Variants in CDC25B observed in about 807,000 individuals in gnomAD.
CDC25B encodes the protein M-phase inducer phosphatase 2.
CDC25B carries 33 observed loss-of-function variants against 69.8 expected under a neutral mutation model. That is an observed-to-expected ratio of 0.47 (90% CI 0.36 to 0.63). CDC25B has a LOEUF of 0.63. Ranked by LOEUF, CDC25B falls within the 30% of genes least tolerant of loss-of-function variation. CDC25B has a pLI of 0.00. For synonymous variants in CDC25B, 341 were observed against 314.6 expected (o/e 1.08, Z -0.89); for missense variants, 727 against 809.1 (o/e 0.90, Z 1.23).
At chr20:3,797,398 T>C (rs1052557271) in intron 1 of CDC25B, among the ~76,000 whole-genome samples, 7 of 152,212 alleles carry the variant, frequency 4.6e-5, no homozygotes, top group Admixed American at 2.0e-4. Flanking sequence ...GCCCTGCTCC[T>C]GAGAGGACCT....
In CDC25B at chr20:3,805,139, C is replaced by A. The variant is rs1038035218; in HGVS notation, c.*178C>A. Reference sequence around the variant, plus strand: ...TTCCCCTGTGTCATCCCATCATTTTCCATATCCTGGTGCCCCCCACCCCTG... The same window carrying A: ...TTCCCCTGTGTCATCCCATCATTTTACATATCCTGGTGCCCCCCACCCCTG... On this transcript the variant is annotated 3_prime_UTR_variant, in exon 16 of 16. Coordinates refer to ENST00000245960, the MANE Select transcript of CDC25B (RefSeq NM_021873.4). 21 of 657,036 alleles carry A rather than the reference C, an allele frequency of 3.2e-5. No individual in the cohort carries two copies. Among genetic ancestry groups the A allele is most frequent in the African/African-American group, 2.9e-4 (16 of 54,910 alleles). The allele number at this position is 657,036 out of a possible 1,614,324, so 40.7% of individuals were successfully genotyped here.
At position 3,796,553 on chromosome 20, in the gene CDC25B, C is replaced by T. The variant is rs1201970854; in HGVS notation, c.22C>T (p.Pro8Ser). Residue 8 changes from proline (P) to serine (S), a missense_variant, in exon 1 of 16, where the codon CCC becomes TCC. Pro to Ser is a moderately conservative substitution (Grantham distance 74). This residue lies in a region of CDC25B where 368 missense variants were observed against 345.6 expected (regional missense o/e 1.06). Transcript: ENST00000245960. MEVPQPE[P>S]APGSALSPAG... ...CGCGATGGAGGTGCCCCAGCCGGAG[C>T]CCGCGCCAGGCTCGGCTCTCAGTCC... The T allele has an allele frequency of 6.8e-7, 1 of 1,479,338 alleles. No individual in the cohort carries two copies. Among genetic ancestry groups the T allele is most frequent in the Non-Finnish European group, 8.9e-7 (1 of 1,122,318 alleles). The allele number at this position is 1,479,338 out of a possible 1,614,324, so 91.6% of individuals were successfully genotyped here.
At chr20:3,789,014 C>T (rs1017099621) in intron 1 of CDC25B, among the ~76,000 whole-genome samples, 2 of 152,180 alleles carry the variant, frequency 1.3e-5, no homozygotes, top group Non-Finnish European at 2.9e-5. Context: ...CCAGATACCT[C>T]GTCTACCCTT....
intron 1 of CDC25B, among the ~76,000 whole-genome samples, chr20:3,787,402 T>A (rs1338374016): frequency 2.0e-5 from 3 of 152,226 alleles, no homozygotes; most frequent in Admixed American, 2.0e-4. Context: ...AAGTTATTTT[T>A]AAAATCAGCA....
chr20:3,803,479 G>T lies in CDC25B; in HGVS notation c.1432G>T (p.Asp478Tyr). The change falls in exon 14 of 16, where the codon GAC (aspartate) becomes TAC (tyrosine). Residue 478 changes from aspartate to tyrosine, a missense_variant. Coordinates refer to ENST00000245960, the MANE Select transcript of CDC25B (RefSeq NM_021873.4). This position sits in a 1 kb window ranked among gnomAD's most constrained non-coding sequence, Gnocchi z 4.9. Reference protein sequence around the residue: ...LKSPIAPCSLDKRVILIFHCE... With the variant: ...LKSPIAPCSLYKRVILIFHCE... ...GAGCCCCATCGCGCCCTGTAGCCTG[G>T]ACAAGAGAGTCATCCTCATTTTCCA... The T allele has an allele frequency of 1.2e-6, 2 of 1,614,028 alleles. No individual in the cohort carries two copies. Among genetic ancestry groups the T allele is most frequent in the Non-Finnish European group, 1.7e-6 (2 of 1,179,992 alleles).
chr20:3,804,610 A>G lies in CDC25B; in HGVS notation c.1532A>G (p.Tyr511Cys). Residue 511 changes from tyrosine to cysteine, a missense_variant, in exon 15 of 16, where the codon TAC becomes TGC. Tyr to Cys is a radical substitution (Grantham distance 194). Around this residue, in one of 2 missense-constraint regions of CDC25B, gnomAD observed 359 missense variants for 463.4 expected, o/e 0.77. Coordinates refer to ENST00000245960, the MANE Select transcript of CDC25B (RefSeq NM_021873.4). ...GAACGAGACCGTGCTGTCAACGACT[A>G]CCCCAGCCTCTACTACCCTGAGATG... ...IRERDRAVND[Y>C]PSLYYPEMYI... 1 of 1,613,448 alleles carries G rather than the reference A, an allele frequency of 6.2e-7. No individual in the cohort carries two copies. The highest frequency in any genetic ancestry group is 8.5e-7 in the Non-Finnish European group (1 of 1,179,920).
At chr20:3,800,003 A>G (rs375518886) in intron 3 of CDC25B, among the ~76,000 whole-genome samples, 4 of 151,760 alleles carry the variant, frequency 2.6e-5, no homozygotes, top group Non-Finnish European at 4.4e-5. Context: ...TGCCTTGGTG[A>G]CGCCTCCCTG....
intron 3 of CDC25B, among the ~76,000 whole-genome samples, chr20:3,799,256 G>A (rs770379774): frequency 6.6e-6 from 1 of 152,198 alleles, no homozygotes; most frequent in Non-Finnish European, 1.5e-5. Context: ...ACAGGAAATG[G>A]GGAGAGGATT....
chr20:3,795,804 G>C, upstream of CDC25B: 1 of 985,262 alleles, frequency 1.0e-6, no homozygotes, highest in African/African-American at 1.7e-5. Flanking sequence ...CGCCTGGAGC[G>C]AGCGAATCCT....
intron 1 of CDC25B, among the ~76,000 whole-genome samples, chr20:3,789,881 C>G (rs2088884672): frequency 6.6e-6 from 1 of 151,728 alleles, no homozygotes; most frequent in African/African-American, 2.4e-5. Flanking sequence ...CCGAGCTACT[C>G]AGGAGGCTGA....
rs767220701 is a variant in CDC25B, at chr20:3,800,463, G to A, written c.424G>A (p.Glu142Lys). 2.2e-5 allele frequency: 35 copies of A among 1,614,026 alleles called. No individual in the cohort carries two copies. Among genetic ancestry groups the A allele is most frequent in the Non-Finnish European group, 1.7e-5 (20 of 1,180,026 alleles). Reference sequence around the variant, plus strand: ...ACCTGTCCCCATTTCCTCCTGTAGCGAGCAGTTTGCCATCAGACGCTTCCA... The same window carrying A: ...ACCTGTCCCCATTTCCTCCTGTAGCAAGCAGTTTGCCATCAGACGCTTCCA... ...IQAASRIIRN[E>K]QFAIRRFQSM... Residue 142 changes from glutamate to lysine, a missense_variant and splice_region_variant, in exon 5 of 16, where the codon GAG (glutamate) becomes AAG (lysine). Physicochemically the swap from Glu to Lys is moderately conservative, Grantham distance 56. Transcript: ENST00000245960.
chr20:3,804,775 C>A, intron 15 of CDC25B, 46 bp from the exon 16 acceptor site: 2 of 1,609,728 alleles, frequency 1.2e-6, no homozygotes, highest in Non-Finnish European at 1.7e-6. Context: ...GGGTCCCTGC[C>A]AAACTTACCC....
Position 3,796,403 on chromosome 20 carries a change from TCCTC to T in CDC25B, c.-119_-116del. On this transcript the variant is annotated 5_prime_UTR_variant, in exon 1 of 16. Coordinates refer to ENST00000245960, the MANE Select transcript of CDC25B (RefSeq NM_021873.4). The stretch of plus-strand genomic sequence containing the variant: ...CCCTCGCGCCTGGCCCTGTGGCTCT[TCCTC>T]CCTCCCTCCTTCCCCCCCCCCCCAC... The T allele has an allele frequency of 4.6e-6, 3 of 651,242 alleles. No homozygotes were observed. Among genetic ancestry groups the T allele is most frequent in the Non-Finnish European group, 5.5e-6 (3 of 549,950 alleles). 40.3% of individuals were successfully genotyped at this position (651,242 alleles called of 1,614,324 possible).
rs762236479 is a variant in CDC25B, at chr20:3,800,748, G to C, written c.465G>C (p.Arg155Ser). The change falls in exon 6 of 16, where the codon AGG (arginine) becomes AGC (serine). Residue 155 changes from arginine to serine, a missense_variant. By Grantham distance (110) the Arg-to-Ser change is moderately radical. This residue lies in a region of CDC25B where 368 missense variants were observed against 345.6 expected (regional missense o/e 1.06). Coordinates refer to ENST00000245960, the MANE Select transcript of CDC25B (RefSeq NM_021873.4). ...AIRRFQSMPV[R>S]LLGHSPVLRN... ...CGCCCTGCCTGGCTCTCTAGGTGAGGCTGCTGGGCCACAGCCCCGTGCTTC... is the reference window on the plus strand; with the variant it reads ...CGCCCTGCCTGGCTCTCTAGGTGAGCCTGCTGGGCCACAGCCCCGTGCTTC... The C allele has an allele frequency of 6.8e-6, 11 of 1,608,818 alleles. No individual in the cohort carries two copies. The highest frequency in any genetic ancestry group is 9.3e-6 in the Non-Finnish European group (11 of 1,180,000).
chr20:3,799,125 T>C (rs1215276192), intron 3 of CDC25B, among the ~76,000 whole-genome samples: 1 of 152,190 alleles, frequency 6.6e-6, no homozygotes, highest in East Asian at 1.9e-4. Context: ...CAGCCATTAG[T>C]AGGGACAGCT....
chr20:3,805,845 G>A lies in CDC25B; in HGVS notation c.*884G>A, dbSNP rs186687615. 35 of 405,242 alleles carry A rather than the reference G, an allele frequency of 8.6e-5. No individual in the cohort carries two copies. The highest frequency in any genetic ancestry group is 1.1e-4 in the East Asian group (3 of 28,276). 25.1% of individuals were successfully genotyped at this position (405,242 alleles called of 1,614,324 possible). ...GATGGCCGTGGATGGCCGTGGATGC[G>A]CAGTGCCTTGCATACCCAAACCAGG... On this transcript the variant is annotated 3_prime_UTR_variant, in exon 16 of 16. Transcript: ENST00000245960.
Position 3,789,086 on chromosome 20 carries a change from A to G in CDC25B, c.8+1947A>G, listed in dbSNP as rs55751472. On this transcript the variant is annotated intron_variant, in intron 1 of 15. Transcript: ENST00000344256. Reference sequence around the variant, plus strand: ...TCTCAAGTGACCATTTCCCCCAGCAATCCATCTGAGGCCCCGGGCTTCCCC... The same window carrying G: ...TCTCAAGTGACCATTTCCCCCAGCAGTCCATCTGAGGCCCCGGGCTTCCCC... Among the ~76,000 whole-genome samples, 1,328 of 152,192 alleles carry G rather than the reference A, an allele frequency of 8.7e-3. 20 individuals are homozygous for G. Among genetic ancestry groups the G allele is most frequent in the African/African-American group, 0.031 (1,272 of 41,514 alleles).
Position 3,804,928 on chromosome 20 carries a change from G to C in CDC25B, c.1710G>C (p.Arg570=). ...GCAGCTGGGCTGGGGAGCGGAGCCG[G>C]CGGGAGCTCTGTAGCCGGCTGCAGG... ...KTRSWAGERS[R]RELCSRLQDQ is the part of the protein sequence containing the mutation. Residue 570 remains arginine (R), a synonymous_variant, in exon 16 of 16, where the codon CGG becomes CGC. Coordinates refer to ENST00000245960, the MANE Select transcript of CDC25B (RefSeq NM_021873.4). The C allele has an allele frequency of 6.2e-7, 1 of 1,613,620 alleles. No individual in the cohort carries two copies. The highest frequency in any genetic ancestry group is 8.5e-7 in the Non-Finnish European group (1 of 1,180,018).
Position 3,796,429 on chromosome 20 carries a change from C to CA in CDC25B, c.-103_-102insA, listed in dbSNP as rs908596904. On this transcript the variant is annotated 5_prime_UTR_variant, in exon 1 of 16. Coordinates refer to ENST00000245960, the MANE Select transcript of CDC25B (RefSeq NM_021873.4). ...CCTCCCTCCCTCCTTCCCCCCCCCCCCACCCCTCGCCCGCTGCCTCCCTCG... is the reference window on the plus strand; with the variant it reads ...CCTCCCTCCCTCCTTCCCCCCCCCCCACACCCCTCGCCCGCTGCCTCCCTCG... 9.1e-6 allele frequency: 3 copies of CA among 329,150 alleles called. No individual in the cohort carries two copies. The highest frequency in any genetic ancestry group is 4.3e-5 in the South Asian group (1 of 23,106). The allele number at this position is 329,150 out of a possible 1,614,324, so 20.4% of individuals were successfully genotyped here. A position where few individuals can be genotyped will look rare whatever the true frequency, so the allele number is the denominator to read the frequency against.
Sources: gnomAD v4.1 joint callset for allele counts (sites outside exome capture counted in the v4.1 genomes callset) on GRCh38, gnomAD v4.1.1 for gene constraint, gnomAD v4.1.1 regional missense constraint, Gnocchi (gnomAD v3.1) non-coding constraint, MANE v1.5 for transcripts, NCBI Gene and HGNC (gene_info 2026-07-23, HGNC 2026-07-21) for gene names.